Variants in ARHGAP24 observed in about 807,000 individuals in gnomAD.
The protein encoded by ARHGAP24 is rho GTPase-activating protein 24.
A neutral mutation model predicts 76.4 loss-of-function variants in ARHGAP24; 50 were observed. The ratio of observed to expected loss-of-function variants is 0.65; its 90% confidence interval spans 0.52 to 0.83. The LOEUF (loss-of-function observed/expected upper bound fraction) is 0.83. Ranked by LOEUF, ARHGAP24 falls within the 40% of genes least tolerant of loss-of-function variation. The pLI is 0.00. For synonymous variants in ARHGAP24, 345 were observed against 323.3 expected (o/e 1.07, Z -0.72); for missense variants, 930 against 914.2 (o/e 1.02, Z -0.22).
intron 3 of ARHGAP24, among the ~76,000 whole-genome samples, chr4:85,761,496 C>T (rs1192328573): frequency 6.6e-6 from 1 of 151,986 alleles, no homozygotes; most frequent in East Asian, 1.9e-4. Flanking sequence ...CTGGAAGTAG[C>T]GATCAAGAGA....
chr4:85,611,955 T>C (rs1720396515), intron 2 of ARHGAP24, among the ~76,000 whole-genome samples: 1 of 152,190 alleles, frequency 6.6e-6, no homozygotes, highest in Non-Finnish European at 1.5e-5. Context: ...GTGGGTATGT[T>C]GTAATTGACT....
chr4:85,701,062 G>C lies in ARHGAP24; in HGVS notation c.181-20823G>C, dbSNP rs144764565. On this transcript the variant is annotated intron_variant, in intron 2 of 9. Coordinates refer to ENST00000395184, the MANE Select transcript of ARHGAP24 (RefSeq NM_001025616.3). ...TAAGAAATAAAGTGAATAACTTTTG[G>C]GTATTTCATTAGTCTCTCTGTCATT... 5.3e-3 allele frequency among the ~76,000 whole-genome samples: 804 copies of C among 152,012 alleles called. 7 individuals are homozygous for C. Among genetic ancestry groups the C allele is most frequent in the African/African-American group, 0.018 (760 of 41,454 alleles).
At chr4:85,520,535 A>G (rs1446315793) in intron 1 of ARHGAP24, among the ~76,000 whole-genome samples, 2 of 152,126 alleles carry the variant, frequency 1.3e-5, no homozygotes. Context: ...AGTAATAAAT[A>G]TTTACAAATG....
intron 3 of ARHGAP24, among the ~76,000 whole-genome samples, chr4:85,891,394 A>G (rs1000849091): frequency 8.1e-6 from 1 of 123,066 alleles, no homozygotes; most frequent in Non-Finnish European, 1.7e-5. Context: ...TTCCAACACT[A>G]TGTTGAATAG....
chr4:85,584,526 A>G (rs1045335167), intron 2 of ARHGAP24, among the ~76,000 whole-genome samples: 3 of 151,948 alleles, frequency 2.0e-5, no homozygotes, highest in East Asian at 1.9e-4. Context: ...CACCAGCATG[A>G]CACATGTATA....
chr4:85,986,978 G>C (rs1011264101), intron 8 of ARHGAP24, among the ~76,000 whole-genome samples: 3 of 152,028 alleles, frequency 2.0e-5, no homozygotes, highest in African/African-American at 4.8e-5. Context: ...AGGAGCATAA[G>C]GAATTTTTAG....
intron 3 of ARHGAP24, among the ~76,000 whole-genome samples, chr4:85,740,512 A>T (rs895295601): frequency 6.6e-6 from 1 of 152,056 alleles, no homozygotes; most frequent in African/African-American, 2.4e-5. Flanking sequence ...CCCAGCCGAT[A>T]TTCTTTATTA....
At chr4:85,860,476 C>T (rs1209942042) in intron 3 of ARHGAP24, among the ~76,000 whole-genome samples, 1 of 152,044 alleles carries the variant, frequency 6.6e-6, no homozygotes, top group Non-Finnish European at 1.5e-5. Context: ...GCAGAATCAC[C>T]AGCCTGGTAG....
At chr4:85,872,441 C>T (rs1361777042) in intron 3 of ARHGAP24, among the ~76,000 whole-genome samples, 1 of 151,734 alleles carries the variant, frequency 6.6e-6, no homozygotes, top group East Asian at 1.9e-4. Flanking sequence ...GGATTACAGG[C>T]GTCCACCACC....
chr4:85,578,454 A>T (rs1360915717), intron 2 of ARHGAP24, among the ~76,000 whole-genome samples: 1 of 152,186 alleles, frequency 6.6e-6, no homozygotes, highest in Non-Finnish European at 1.5e-5. Flanking sequence ...TCACACTCAT[A>T]ATTTTCTCCA....
In ARHGAP24 at chr4:85,720,338, G is replaced by A. The variant is rs1288009675; in HGVS notation, c.181-1547G>A. Reference sequence around the variant, plus strand: ...GTGAAGAGGCATTTGAAAAATTTCAGACAAGAGATAATAGTTGCCTGAAAT... The same window carrying A: ...GTGAAGAGGCATTTGAAAAATTTCAAACAAGAGATAATAGTTGCCTGAAAT... On this transcript the variant is annotated intron_variant, in intron 2 of 9. Transcript: ENST00000395184. 2.6e-5 allele frequency among the ~76,000 whole-genome samples: 4 copies of A among 152,144 alleles called. No individual in the cohort carries two copies. In the East Asian group the frequency reaches 7.7e-4, roughly 29 times the overall value.
chr4:85,762,887 A>C (rs942077551), intron 3 of ARHGAP24, among the ~76,000 whole-genome samples: 1 of 152,344 alleles, frequency 6.6e-6, no homozygotes, highest in Non-Finnish European at 1.5e-5. Context: ...TTCTTTTAAC[A>C]AAAGAAAAAC....
chr4:85,802,906 G>A (rs963230795), intron 3 of ARHGAP24, among the ~76,000 whole-genome samples: 5 of 152,212 alleles, frequency 3.3e-5, no homozygotes, highest in East Asian at 3.8e-4. Context: ...ATGGTAAGTC[G>A]AGGTAGTTTC....
intron 3 of ARHGAP24, among the ~76,000 whole-genome samples, chr4:85,897,980 TAC>T (rs1009017302): frequency 2.4e-5 from 3 of 123,096 alleles, no homozygotes; most frequent in African/African-American, 9.7e-5. Context: ...TTACCTCTAA[TAC>T]ACACATATAT....
chr4:85,783,517 T>C (rs1486452832), intron 3 of ARHGAP24, among the ~76,000 whole-genome samples: 1 of 152,088 alleles, frequency 6.6e-6, no homozygotes, highest in African/African-American at 2.4e-5. Flanking sequence ...ATATCACTGA[T>C]CTAGAACCTT....
Position 85,974,956 on chromosome 4 carries a change from T to G in ARHGAP24, c.801T>G (p.Ile267Met), listed in dbSNP as rs1447154985. The G allele has an allele frequency of 6.2e-7, 1 of 1,613,646 alleles. No homozygotes were observed. Among genetic ancestry groups the G allele is most frequent in the Non-Finnish European group, 8.5e-7 (1 of 1,179,728 alleles). ...TAAATTACAACCTCCTCAAGTATAT[T>G]TGCAGGTAAGAACTGTCCTAAGGAC... ...PVVNYNLLKY[I>M]CRFLDEVQSY... Residue 267 changes from isoleucine (I) to methionine (M), a missense_variant, in exon 7 of 10, where the codon ATT becomes ATG. Transcript: ENST00000395184.
chr4:85,484,241 T>G (rs1016561668), intron 1 of ARHGAP24, among the ~76,000 whole-genome samples: 4 of 152,178 alleles, frequency 2.6e-5, no homozygotes, highest in East Asian at 3.9e-4. Flanking sequence ...TATGTTGCCC[T>G]GAGCCCGGGA....
At chr4:85,780,240 C>T (rs189167660) in intron 3 of ARHGAP24, among the ~76,000 whole-genome samples, 329 of 152,160 alleles carry the variant, frequency 2.2e-3, no homozygotes, top group African/African-American at 7.2e-3. Flanking sequence ...ATGGCACGCT[C>T]TTGGCTCACT....
At chr4:85,615,049 GT>G (rs1720502950) in intron 2 of ARHGAP24, among the ~76,000 whole-genome samples, 1 of 151,950 alleles carries the variant, frequency 6.6e-6, no homozygotes, top group Non-Finnish European at 1.5e-5. Context: ...TGACATTACA[GT>G]TTTTCTCAAG....
Sources: allele counts gnomAD v4.1 joint callset (sites outside exome capture counted in the v4.1 genomes callset), GRCh38; gene constraint gnomAD v4.1.1; transcripts MANE v1.5; gene names NCBI Gene and HGNC (gene_info 2026-07-23, HGNC 2026-07-21).